Variants in GLYATL2 observed in about 807,000 individuals in gnomAD.
The protein encoded by GLYATL2 is glycine-N-acyltransferase like 2.
Under a neutral mutation model 21.4 loss-of-function variants are expected in GLYATL2, and 25 were observed. The observed-to-expected ratio is 1.17, with a 90% CI of 0.85 to 1.63. The LOEUF is 1.63. GLYATL2 is among the 40% of genes most tolerant of loss of function. The pLI is 0.00. For missense variants in GLYATL2, 361 were observed against 343.3 expected, an observed-to-expected ratio of 1.05 and a Z score of -0.41; for synonymous variants, 114 against 118.2, an observed-to-expected ratio of 0.96 and a Z score of 0.23.
chr11:58,908,259 A>G (rs975406094), upstream of GLYATL2: 3 of 152,258 alleles, frequency 2.0e-5, no homozygotes, highest in Non-Finnish European at 2.9e-5. Context: ...AGTAAGCTAG[A>G]TAGCCATAGG....
chr11:58,873,374 G>C (rs577945501), intron 1 of GLYATL2, among the ~76,000 whole-genome samples: 15 of 152,128 alleles, frequency 9.9e-5, no homozygotes, highest in African/African-American at 3.6e-4. Flanking sequence ...AGTTTTCAAA[G>C]GGAATGCTTC....
At chr11:58,874,455 T>A (rs1170859891) in intron 1 of GLYATL2, among the ~76,000 whole-genome samples, 1 of 152,246 alleles carries the variant, frequency 6.6e-6, no homozygotes, top group Non-Finnish European at 1.5e-5. Flanking sequence ...TACACACTGC[T>A]TTGAATGTGT....
In GLYATL2 at chr11:58,857,598, G is replaced by A. The variant is rs187378165; in HGVS notation, n.61-19230C>T. 4.7e-3 allele frequency among the ~76,000 whole-genome samples: 715 copies of A among 152,218 alleles called. 6 individuals carry two copies. Among genetic ancestry groups the A allele is most frequent in the African/African-American group, 0.016 (674 of 41,514 alleles). ...TTCACCTCCTTTCCAGGACACACGCGTGAACCACTACCCCAGGTTGTGTTG... is the reference window on the plus strand; with the variant it reads ...TTCACCTCCTTTCCAGGACACACGCATGAACCACTACCCCAGGTTGTGTTG... On this transcript the variant is annotated intron_variant and non_coding_transcript_variant, in intron 1 of 4. Transcript: ENST00000533636.
intron 1 of GLYATL2, among the ~76,000 whole-genome samples, chr11:58,841,224 G>GTA (rs1853545875): frequency 6.6e-6 from 1 of 152,120 alleles, no homozygotes; most frequent in Non-Finnish European, 1.5e-5. Context: ...ATGTATGCAT[G>GTA]TATATATGTA....
intron 1 of GLYATL2, among the ~76,000 whole-genome samples, chr11:58,898,088 T>C (rs1854665042): frequency 6.6e-6 from 1 of 152,242 alleles, no homozygotes; most frequent in Non-Finnish European, 1.5e-5. Flanking sequence ...TTTTATTCAA[T>C]CACTAGTATT....
At chr11:58,903,115 G>C (rs1188218389) in intron 1 of GLYATL2, among the ~76,000 whole-genome samples, 1 of 152,152 alleles carries the variant, frequency 6.6e-6, no homozygotes, top group Admixed American at 6.5e-5. Context: ...TGGTTCAGCT[G>C]TTACTCCAAT....
chr11:58,876,705 G>T (rs1854240201), intron 1 of GLYATL2, among the ~76,000 whole-genome samples: 1 of 152,190 alleles, frequency 6.6e-6, no homozygotes, highest in Admixed American at 6.5e-5. Flanking sequence ...CCCTACTGGG[G>T]GGTGCCTCCC....
chr11:58,901,092 A>G (rs2156349), intron 1 of GLYATL2, among the ~76,000 whole-genome samples: 118,683 of 152,082 alleles, frequency 0.78, 47,462 homozygotes, highest in Non-Finnish European at 0.88. Context: ...TGTACTCAGG[A>G]CGGTGCTAAA....
At chr11:58,866,816 G>A (rs1270155013) in intron 1 of GLYATL2, among the ~76,000 whole-genome samples, 1 of 148,932 alleles carries the variant, frequency 6.7e-6, no homozygotes, top group South Asian at 2.1e-4. Flanking sequence ...ATTGGGATAG[G>A]GTGATTCTTT....
At chr11:58,840,689 A>C (rs575287755) in intron 1 of GLYATL2, 40 of 151,908 alleles carry the variant, frequency 2.6e-4, no homozygotes, top group African/African-American at 9.2e-4. Flanking sequence ...AATACAAAAA[A>C]CTACCTGGGT....
intron 1 of GLYATL2, among the ~76,000 whole-genome samples, chr11:58,862,860 C>A (rs1217283929): frequency 2.0e-5 from 3 of 151,630 alleles, no homozygotes; most frequent in Admixed American, 2.0e-4. Context: ...TCATTTTTCT[C>A]TGATAGTTCT....
At chr11:58,905,162 C>T (rs76085737), upstream of GLYATL2, among the ~76,000 whole-genome samples, 5 of 152,210 alleles carry the variant, frequency 3.3e-5, no homozygotes, top group Non-Finnish European at 7.3e-5. Flanking sequence ...CCCAGTAATG[C>T]GCGTCCTGGG....
upstream of GLYATL2, among the ~76,000 whole-genome samples, chr11:58,845,520 G>A (rs553299187): frequency 2.0e-5 from 3 of 152,066 alleles, no homozygotes; most frequent in South Asian, 2.1e-4. Flanking sequence ...GAAAGATTAC[G>A]TGAGCCCAGA....
At chr11:58,894,328 G>T (rs746287720) in intron 1 of GLYATL2, among the ~76,000 whole-genome samples, 19 of 152,088 alleles carry the variant, frequency 1.2e-4, no homozygotes, top group Non-Finnish European at 2.6e-4. Context: ...ACTATCATAA[G>T]AACTTTCTAA....
chr11:58,852,480 T>C (rs2856259), intron 1 of GLYATL2, among the ~76,000 whole-genome samples: 134,774 of 152,216 alleles, frequency 0.89, 60,874 homozygotes, highest in Non-Finnish European at 0.98. Flanking sequence ...ACATTCAAAC[T>C]TCTTAGTATA....
chr11:58,885,152 A>C (rs1030996660), intron 1 of GLYATL2: 7 of 154,314 alleles, frequency 4.5e-5, no homozygotes, highest in African/African-American at 1.7e-4. Context: ...ATTGTTGTGA[A>C]CACTGAATAA....
At chr11:58,906,763 A>C (rs1449767795), upstream of GLYATL2, among the ~76,000 whole-genome samples, 2 of 152,220 alleles carry the variant, frequency 1.3e-5, no homozygotes, top group Non-Finnish European at 2.9e-5. Flanking sequence ...GTAAGCAAGC[A>C]CAGCTGCAAG....
At chr11:58,870,656 C>T (rs1230386710) in intron 1 of GLYATL2, among the ~76,000 whole-genome samples, 4 of 152,170 alleles carry the variant, frequency 2.6e-5, no homozygotes, top group Non-Finnish European at 4.4e-5. Flanking sequence ...TGGGTAAAGG[C>T]AGGATTTTAT....
chr11:58,899,604 G>T (rs1254026573), intron 1 of GLYATL2, among the ~76,000 whole-genome samples: 4 of 151,968 alleles, frequency 2.6e-5, no homozygotes, highest in South Asian at 2.1e-4. Flanking sequence ...CAAAAGACTG[G>T]CATTTGACAG....
Sources: allele counts gnomAD v4.1 joint callset (sites outside exome capture counted in the v4.1 genomes callset), GRCh38; gene constraint gnomAD v4.1.1; transcripts MANE v1.5; gene names NCBI Gene and HGNC (gene_info 2026-07-23, HGNC 2026-07-21).